SYT16: variants seen among roughly 807,000 people sequenced by gnomAD.
The protein encoded by SYT16 is synaptotagmin-16.
SYT16 carries 42 observed loss-of-function variants against 61.4 expected under a neutral mutation model. The observed-to-expected ratio is 0.68, with a 90% CI of 0.53 to 0.89. The LOEUF (loss-of-function observed/expected upper bound fraction) is 0.89, where lower values mean the gene tolerates loss of function less well. Ranked by LOEUF, SYT16 falls within the 40% of genes least tolerant of loss-of-function variation. The pLI is 0.00. For synonymous variants in SYT16, 314 were observed against 302.3 expected, an observed-to-expected ratio of 1.04 and a Z score of -0.40; for missense variants, 804 against 807.3, an observed-to-expected ratio of 1.00 and a Z score of 0.05.
At chr14:62,046,701 T>C (rs1427544129) in intron 3 of SYT16, among the ~76,000 whole-genome samples, 2 of 152,252 alleles carry the variant, frequency 1.3e-5, no homozygotes, top group African/African-American at 2.4e-5. Flanking sequence ...CACCATTTAT[T>C]AAATAGGGAA....
At chr14:61,891,920 T>C (rs1401068364) in intron 1 of SYT16, among the ~76,000 whole-genome samples, 2 of 152,178 alleles carry the variant, frequency 1.3e-5, no homozygotes, top group African/African-American at 4.8e-5. Context: ...TTGGAAAATA[T>C]AAGAAAATTC....
chr14:62,081,424 C>A, intron 6 of SYT16, 150 bp downstream of exon 6: 1 of 841,138 alleles, frequency 1.2e-6, no homozygotes, highest in Non-Finnish European at 1.8e-6. Flanking sequence ...CCATGATTTG[C>A]ACTTCATGGT....
At chr14:61,988,539 A>G (rs550610200) in intron 2 of SYT16, among the ~76,000 whole-genome samples, 36 of 152,340 alleles carry the variant, frequency 2.4e-4, no homozygotes, top group African/African-American at 8.7e-4. Flanking sequence ...ACCTTGAGCA[A>G]TGTACAACTT....
intron 1 of SYT16, among the ~76,000 whole-genome samples, chr14:61,878,416 A>G (rs965294225): frequency 1.3e-5 from 2 of 152,198 alleles, no homozygotes. Context: ...GCATGAAAGG[A>G]AACACTGTGG....
chr14:62,055,838 G>A (rs1319003984), intron 3 of SYT16, among the ~76,000 whole-genome samples: 2 of 152,126 alleles, frequency 1.3e-5, no homozygotes. Flanking sequence ...TCTGCAATAG[G>A]CTATCTGCAA....
At chr14:61,972,581 C>T (rs753560489) in intron 2 of SYT16, among the ~76,000 whole-genome samples, 1 of 152,182 alleles carries the variant, frequency 6.6e-6, no homozygotes, top group African/African-American at 2.4e-5. Context: ...GACATTTCTC[C>T]TTTTACAAGT....
intron 1 of SYT16, among the ~76,000 whole-genome samples, chr14:61,942,089 T>C (rs2050233483): frequency 6.6e-6 from 1 of 152,250 alleles, no homozygotes. Flanking sequence ...TTTCAGATGT[T>C]GGTCTTATTT....
chr14:61,925,564 A>G (rs1241827718), intron 1 of SYT16, among the ~76,000 whole-genome samples: 23 of 152,190 alleles, frequency 1.5e-4, no homozygotes. Context: ...TTAATGTACA[A>G]AAAAGGGGGT....
rs543999736 is a variant in SYT16 at position 62,037,623 on chromosome 14, AATTATTAATGTGTTTT to A, written c.524-31975_524-31960del. ...CTGTTAGTTTGAATAATCATGTTTT[AATTATTAATGTGTTTT>A]ATTACAAGGTGTTTCCTCAGACTCC... is the stretch of plus-strand genomic sequence containing the variant. On this transcript the variant is annotated intron_variant, in intron 3 of 7. Coordinates refer to ENST00000683842, the MANE Select transcript of SYT16 (RefSeq NM_001367656.1). 3.8e-3 allele frequency among the ~76,000 whole-genome samples: 584 copies of A among 152,310 alleles called. 3 individuals are homozygous for A. Among genetic ancestry groups the A allele is most frequent in the African/African-American group, 0.013 (541 of 41,560 alleles).
At chr14:61,856,747 T>C (rs1237959903) in intron 1 of SYT16, among the ~76,000 whole-genome samples, 3 of 152,098 alleles carry the variant, frequency 2.0e-5, no homozygotes, top group Admixed American at 1.3e-4. Flanking sequence ...TATAGAAATA[T>C]GGGAGTCATC....
intron 3 of SYT16, among the ~76,000 whole-genome samples, chr14:62,035,388 T>C (rs1395468377): frequency 5.3e-5 from 8 of 152,150 alleles, no homozygotes; most frequent in African/African-American, 1.9e-4. Context: ...TCTTAATCTT[T>C]TTACCATTTT....
In SYT16 at chr14:61,837,429, G is replaced by T. The variant is rs186954181; in HGVS notation, c.-325+24619G>T. Among the ~76,000 whole-genome samples, 342 of 151,654 alleles carry T rather than the reference G, an allele frequency of 2.3e-3. 1 individual carries two copies. Among genetic ancestry groups the T allele is most frequent in the South Asian group, 5.9e-3 (28 of 4,786 alleles). On this transcript the variant is annotated intron_variant, in intron 1 of 7. Coordinates refer to ENST00000683842, the MANE Select transcript of SYT16 (RefSeq NM_001367656.1). ...ATTTTTTGTATATTCAGTAGAGACA[G>T]GGTTTTGCTATGTTGGCCAGGCTGG...
At chr14:61,834,871 T>C (rs1293624073) in intron 1 of SYT16, among the ~76,000 whole-genome samples, 5 of 152,248 alleles carry the variant, frequency 3.3e-5, no homozygotes, top group African/African-American at 1.2e-4. Context: ...AATTACCTGT[T>C]GTTTGAAAAA....
chr14:62,086,888 C>T (rs2056904636), intron 7 of SYT16, among the ~76,000 whole-genome samples: 1 of 152,156 alleles, frequency 6.6e-6, no homozygotes, highest in African/African-American at 2.4e-5. Flanking sequence ...TGCCGTGATG[C>T]TAGTAATTAA....
intron 1 of SYT16, among the ~76,000 whole-genome samples, chr14:61,884,846 A>G (rs1269926366): frequency 2.0e-5 from 3 of 152,206 alleles, no homozygotes; most frequent in Non-Finnish European, 4.4e-5. Flanking sequence ...GTAGGGCAGA[A>G]AGTCAATAAA....
chr14:61,948,345 A>T (rs866569178), intron 1 of SYT16, among the ~76,000 whole-genome samples: 29 of 152,216 alleles, frequency 1.9e-4, no homozygotes, highest in African/African-American at 6.5e-4. Context: ...AGTCCTCTCC[A>T]TCAGAGACCC....
At chr14:62,046,186 A>G (rs928120280) in intron 3 of SYT16, among the ~76,000 whole-genome samples, 3 of 151,956 alleles carry the variant, frequency 2.0e-5, no homozygotes, top group African/African-American at 7.3e-5. Flanking sequence ...TTTGATTTGC[A>G]TTTCTCTGAT....
intron 7 of SYT16, among the ~76,000 whole-genome samples, chr14:62,084,834 A>T (rs1158386404): frequency 6.6e-6 from 1 of 152,204 alleles, no homozygotes; most frequent in Non-Finnish European, 1.5e-5. Context: ...CAGCTAACTC[A>T]TCTGACAAAA....
intron 1 of SYT16, among the ~76,000 whole-genome samples, chr14:61,906,940 A>G (rs2048747910): frequency 6.6e-6 from 1 of 152,222 alleles, no homozygotes; most frequent in Non-Finnish European, 1.5e-5. Flanking sequence ...TCACATTCTA[A>G]AAATTAGAAA....
Sources: allele counts gnomAD v4.1 joint callset (sites outside exome capture counted in the v4.1 genomes callset), GRCh38; gene constraint gnomAD v4.1.1; transcripts MANE v1.5; gene names NCBI Gene and HGNC (gene_info 2026-07-23, HGNC 2026-07-21).